The following RBFOX3 variants were observed in gnomAD, a reference collection of about 807,000 sequenced individuals.
RBFOX3 encodes RNA binding fox-1 homolog 3, also known as RNA binding protein fox-1 homolog 3.
Under a neutral mutation model 48.7 loss-of-function variants are expected in RBFOX3, and 17 were observed. The ratio of observed to expected loss-of-function variants is 0.35; its 90% confidence interval spans 0.24 to 0.52. The LOEUF is 0.52. Ranked by LOEUF, RBFOX3 falls within the 20% of genes least tolerant of loss-of-function variation. The pLI, the probability that RBFOX3 is intolerant of heterozygous loss-of-function variation, is 0.94. For missense variants in RBFOX3, 382 were observed against 497.5 expected (o/e 0.77, Z 2.21); for synonymous variants, 212 against 209.5 (o/e 1.01, Z -0.10).
chr17:79,372,050 C>T (rs9913196), intron 2 of RBFOX3, among the ~76,000 whole-genome samples: 87,098 of 151,836 alleles, frequency 0.57, 25,510 homozygotes, highest in East Asian at 0.91. Flanking sequence ...TCCTCGCAGA[C>T]GCTTCATTTG....
intron 2 of RBFOX3, among the ~76,000 whole-genome samples, chr17:79,337,700 C>A (rs900400505): frequency 3.3e-5 from 5 of 152,082 alleles, no homozygotes; most frequent in Admixed American, 2.6e-4. Context: ...CAGCTGAACC[C>A]GTGAGGCAGA....
At chr17:79,267,382 T>C (rs1433644698) in intron 3 of RBFOX3, among the ~76,000 whole-genome samples, 1 of 151,996 alleles carries the variant, frequency 6.6e-6, no homozygotes, top group Non-Finnish European at 1.5e-5. Context: ...GATGCCCATG[T>C]CACTCTCTCT....
chr17:79,535,435 G>A lies in RBFOX3; in HGVS notation c.-319-52837C>T, dbSNP rs1555788467. Among the ~76,000 whole-genome samples, 1 of 152,144 alleles carries A rather than the reference G, an allele frequency of 6.6e-6. No homozygotes were observed. Among genetic ancestry groups the A allele is most frequent in the Non-Finnish European group, 1.5e-5 (1 of 68,024 alleles). On this transcript the variant is annotated intron_variant, in intron 1 of 14. Coordinates refer to ENST00000693108, the MANE Select transcript of RBFOX3 (RefSeq NM_001350451.2). This position sits in a 1 kb window ranked among gnomAD's most constrained non-coding sequence, Gnocchi z 4.5. ...AAAGCTCATTCCTACCTGTCCTCCG[G>A]AGAGTGTCACAAGGGGACAGCGGCC...
At chr17:79,276,902 A>T (rs920506787) in intron 3 of RBFOX3, among the ~76,000 whole-genome samples, 31 of 152,012 alleles carry the variant, frequency 2.0e-4, no homozygotes, top group Admixed American at 1.1e-3. Context: ...TTGCCTAAGG[A>T]CTCAGGGCTG....
upstream of RBFOX3, among the ~76,000 whole-genome samples, chr17:79,615,303 C>T (rs2093989528): frequency 6.6e-6 from 1 of 151,994 alleles, no homozygotes. Context: ...TTCCCACACA[C>T]CATCTCTCAG....
chr17:79,140,243 G>A (rs138451099), intron 4 of RBFOX3, among the ~76,000 whole-genome samples: 28 of 152,374 alleles, frequency 1.8e-4, no homozygotes, highest in South Asian at 4.1e-4. Flanking sequence ...AGAGCTTAGT[G>A]GCTATGGGCA....
intron 2 of RBFOX3, among the ~76,000 whole-genome samples, chr17:79,405,451 C>T (rs2063421527): frequency 6.6e-6 from 1 of 151,830 alleles, no homozygotes; most frequent in Admixed American, 6.6e-5. Flanking sequence ...CAATGAAATG[C>T]ATGAGTCTGG....
chr17:79,464,664 GA>G (rs1555752320), intron 2 of RBFOX3, among the ~76,000 whole-genome samples: 1 of 152,248 alleles, frequency 6.6e-6, no homozygotes, highest in African/African-American at 2.4e-5. Context: ...AAGGAAAAAA[GA>G]AAAAGAAGGA....
At position 79,473,215 on chromosome 17, in the gene RBFOX3, C is replaced by G. The variant is rs549508504; in HGVS notation, c.-175+9239G>C. Reference sequence around the variant, plus strand: ...TCAGTTGCAGGGATCAGGAGCAGCACCTCACGGGCTGGCACCCATCCACAG... The same window carrying G: ...TCAGTTGCAGGGATCAGGAGCAGCAGCTCACGGGCTGGCACCCATCCACAG... On this transcript the variant is annotated intron_variant, in intron 2 of 14. Coordinates refer to ENST00000693108, the MANE Select transcript of RBFOX3 (RefSeq NM_001350451.2). This position sits in a 1 kb window ranked among gnomAD's most constrained non-coding sequence, Gnocchi z 4.2. 2.6e-5 allele frequency among the ~76,000 whole-genome samples: 4 copies of G among 152,348 alleles called. No homozygotes were observed. Among genetic ancestry groups the G allele is most frequent in the African/African-American group, 9.6e-5 (4 of 41,578 alleles).
chr17:79,279,555 C>T (rs747609736), intron 3 of RBFOX3, among the ~76,000 whole-genome samples: 1 of 152,178 alleles, frequency 6.6e-6, no homozygotes, highest in Non-Finnish European at 1.5e-5. Flanking sequence ...GAAGGCATGA[C>T]CCAGTCCAAA....
intron 2 of RBFOX3, among the ~76,000 whole-genome samples, chr17:79,409,597 G>A (rs2064004156): frequency 6.6e-6 from 1 of 152,244 alleles, no homozygotes; most frequent in African/African-American, 2.4e-5. Context: ...TAAGGCATGT[G>A]CAGAGGGTGG....
At chr17:79,264,920 G>A (rs1567942730) in intron 3 of RBFOX3, among the ~76,000 whole-genome samples, 1 of 152,042 alleles carries the variant, frequency 6.6e-6, no homozygotes, top group Admixed American at 6.5e-5. Flanking sequence ...GGAAGTGTCC[G>A]GCATTACTGC....
intron 2 of RBFOX3, among the ~76,000 whole-genome samples, chr17:79,353,886 C>T (rs2084440692): frequency 1.3e-5 from 2 of 152,210 alleles, no homozygotes; most frequent in African/African-American, 4.8e-5. Context: ...GGGGGCCGCT[C>T]CCTGAGGTCC....
intron 1 of RBFOX3, among the ~76,000 whole-genome samples, chr17:79,607,693 A>G: frequency 6.6e-6 from 1 of 152,224 alleles, no homozygotes; most frequent in South Asian, 2.1e-4. Flanking sequence ...TCCAACTGCC[A>G]CACATCGGTA....
At chr17:79,634,516 G>T in the RBFOX3 span, among the ~76,000 whole-genome samples, 3 of 152,206 alleles carry the variant, frequency 2.0e-5, no homozygotes, top group East Asian at 5.8e-4. Context: ...CCAGAACCCC[G>T]GCGTTCCCAT....
intron 2 of RBFOX3, among the ~76,000 whole-genome samples, chr17:79,460,230 T>C (rs2075195347): frequency 6.6e-6 from 1 of 152,184 alleles, no homozygotes; most frequent in Non-Finnish European, 1.5e-5. Context: ...ATCGCACCCT[T>C]TGAATCAATT....
the RBFOX3 span, among the ~76,000 whole-genome samples, chr17:79,639,614 C>T: frequency 6.6e-6 from 1 of 152,108 alleles, no homozygotes; most frequent in Non-Finnish European, 1.5e-5. Context: ...GTAAACTGAA[C>T]TCAACAACAC....
intron 1 of RBFOX3, among the ~76,000 whole-genome samples, chr17:79,554,234 T>C (rs2091412525): frequency 6.6e-6 from 1 of 152,222 alleles, no homozygotes; most frequent in Non-Finnish European, 1.5e-5. Context: ...TAAGCTTAAC[T>C]GAGTTACTTT....
chr17:79,484,020 G>A (rs2079159044), intron 1 of RBFOX3, among the ~76,000 whole-genome samples: 1 of 152,030 alleles, frequency 6.6e-6, no homozygotes, highest in African/African-American at 2.4e-5. Context: ...AGCCAGACAG[G>A]ACACAAAAAC....
Sources: allele counts gnomAD v4.1 joint callset (sites outside exome capture counted in the v4.1 genomes callset), GRCh38; gene constraint gnomAD v4.1.1; non-coding constraint Gnocchi (gnomAD v3.1); transcripts MANE v1.5; gene names NCBI Gene and HGNC (gene_info 2026-07-23, HGNC 2026-07-21).